The following PKIA variants were observed in gnomAD, a reference collection of about 807,000 sequenced individuals.
PKIA encodes cAMP-dependent protein kinase inhibitor alpha.
In PKIA, 4 loss-of-function variants were observed where a neutral mutation model predicts 7.6. The observed-to-expected ratio is 0.52, with a 90% confidence interval of 0.26 to 1.20. PKIA has a LOEUF of 1.20. Among genes scored for constraint, PKIA ranks in the 50% most tolerant of loss-of-function variants. PKIA has a pLI of 0.13. For missense variants in PKIA, 73 were observed against 86.2 expected (o/e 0.85, Z 0.61); for synonymous variants, 21 against 30.7 (o/e 0.68, Z 1.04).
At chr8:78,577,303 GAACAC>G (rs1807697304) in intron 2 of PKIA, among the ~76,000 whole-genome samples, 1 of 151,740 alleles carries the variant, frequency 6.6e-6, no homozygotes, top group African/African-American at 2.4e-5. Flanking sequence ...GAGAATTCCT[GAACAC>G]AAAGAAGGGA....
intron 2 of PKIA, among the ~76,000 whole-genome samples, chr8:78,585,676 G>A (rs550864710): frequency 5.9e-5 from 9 of 152,216 alleles, no homozygotes; most frequent in Non-Finnish European, 1.2e-4. Context: ...CATAGCAACT[G>A]TTTTTCTTTT....
At chr8:78,537,369 C>T (rs1396878859) in intron 1 of PKIA, among the ~76,000 whole-genome samples, 1 of 151,772 alleles carries the variant, frequency 6.6e-6, no homozygotes, top group Admixed American at 6.6e-5. Flanking sequence ...TAAATTTTTC[C>T]AATACTTGCT....
chr8:78,573,015 G>C (rs978759851), intron 2 of PKIA, 76 bp downstream of exon 2: 4 of 151,994 alleles, frequency 2.6e-5, no homozygotes, highest in African/African-American at 9.7e-5. Flanking sequence ...GTGACTGTCT[G>C]AAACAATAAG....
chr8:78,552,025 T>C (rs1333689382), intron 1 of PKIA, among the ~76,000 whole-genome samples: 1 of 151,870 alleles, frequency 6.6e-6, no homozygotes, highest in Non-Finnish European at 1.5e-5. Context: ...CATTCCTATC[T>C]GGTTAAAAAA....
At chr8:78,526,748 G>T (rs1806247246) in intron 1 of PKIA, among the ~76,000 whole-genome samples, 1 of 150,838 alleles carries the variant, frequency 6.6e-6, no homozygotes, top group South Asian at 2.1e-4. Context: ...TAGATGTGAT[G>T]AATAGCAAAA....
intron 1 of PKIA, among the ~76,000 whole-genome samples, chr8:78,520,765 A>T (rs1165969262): frequency 6.6e-6 from 1 of 152,188 alleles, no homozygotes; most frequent in Non-Finnish European, 1.5e-5. Context: ...AAGCATACAC[A>T]TATTAATTTT....
At chr8:78,516,893 C>T (rs929513704) in intron 1 of PKIA, among the ~76,000 whole-genome samples, 5 of 152,298 alleles carry the variant, frequency 3.3e-5, no homozygotes, top group Admixed American at 6.5e-5. Context: ...TTGGTCCTCT[C>T]CCTTTCCAGT....
At chr8:78,580,870 A>G (rs1211951491) in intron 2 of PKIA, among the ~76,000 whole-genome samples, 2 of 152,090 alleles carry the variant, frequency 1.3e-5, no homozygotes, top group East Asian at 3.9e-4. Context: ...CTGGTTTTCA[A>G]TATATTTAGC....
chr8:78,554,600 G>A (rs1807080261), intron 1 of PKIA, among the ~76,000 whole-genome samples: 1 of 151,878 alleles, frequency 6.6e-6, no homozygotes, highest in African/African-American at 2.4e-5. Flanking sequence ...AGTTTACCAG[G>A]ATGAAAAGTA....
At chr8:78,556,909 T>A (rs1807153535) in intron 1 of PKIA, among the ~76,000 whole-genome samples, 2 of 152,132 alleles carry the variant, frequency 1.3e-5, no homozygotes, top group Admixed American at 1.3e-4. Flanking sequence ...TGCCACTCTT[T>A]GCTTTCTGTT....
chr8:78,518,586 C>A (rs1350773181), intron 1 of PKIA, among the ~76,000 whole-genome samples: 2 of 152,166 alleles, frequency 1.3e-5, no homozygotes, highest in African/African-American at 4.8e-5. Flanking sequence ...TTGACAGTCA[C>A]CTTTCTGTTG....
chr8:78,550,771 T>C (rs957749408), intron 1 of PKIA, among the ~76,000 whole-genome samples: 1 of 152,060 alleles, frequency 6.6e-6, no homozygotes, highest in East Asian at 1.9e-4. Context: ...CCAAGCAGTA[T>C]ACGCTGAACC....
chr8:78,589,775 C>A (rs1808049613), intron 2 of PKIA, among the ~76,000 whole-genome samples: 1 of 151,806 alleles, frequency 6.6e-6, no homozygotes, highest in African/African-American at 2.4e-5. Context: ...TTTCTTGAAT[C>A]TCGACCTTTG....
chr8:78,529,129 C>T (rs2118354218), intron 1 of PKIA, among the ~76,000 whole-genome samples: 1 of 152,104 alleles, frequency 6.6e-6, no homozygotes, highest in South Asian at 2.1e-4. Context: ...ATATAGCTTA[C>T]AGATATGGAT....
chr8:78,569,319 A>G (rs1807494495), intron 1 of PKIA, among the ~76,000 whole-genome samples: 1 of 152,138 alleles, frequency 6.6e-6, no homozygotes, highest in South Asian at 2.1e-4. Flanking sequence ...TCCCATTTGA[A>G]GGCAACAACA....
intron 2 of PKIA, among the ~76,000 whole-genome samples, chr8:78,587,190 A>T (rs1017339751): frequency 6.6e-6 from 1 of 152,184 alleles, no homozygotes; most frequent in Admixed American, 6.6e-5. Context: ...TAGGAGGGCA[A>T]GTCATAGATT....
chr8:78,572,221 C>T (rs906124680), intron 1 of PKIA, among the ~76,000 whole-genome samples: 2 of 151,924 alleles, frequency 1.3e-5, no homozygotes, highest in African/African-American at 4.8e-5. Context: ...TTTATTCTCT[C>T]CCTCCATCTC....
chr8:78,516,916 T>C (rs1466449046), intron 1 of PKIA, among the ~76,000 whole-genome samples: 1 of 152,086 alleles, frequency 6.6e-6, no homozygotes, highest in African/African-American at 2.4e-5. Flanking sequence ...TCAGAATGGG[T>C]CTGTGCCCCT....
At chr8:78,521,631 C>T (rs183306068) in intron 1 of PKIA, among the ~76,000 whole-genome samples, 21 of 151,960 alleles carry the variant, frequency 1.4e-4, no homozygotes, top group African/African-American at 4.8e-4. Context: ...ATATAAGTGT[C>T]TAAAATAAGT....
Sources: allele counts gnomAD v4.1 joint callset (sites outside exome capture counted in the v4.1 genomes callset), GRCh38; gene constraint gnomAD v4.1.1; transcripts MANE v1.5; gene names NCBI Gene and HGNC (gene_info 2026-07-23, HGNC 2026-07-21).